The following GPC5 variants were observed in gnomAD, a reference collection of about 807,000 sequenced individuals.
The protein encoded by GPC5 is glypican 5.
Under a neutral mutation model 53.9 loss-of-function variants are expected in GPC5, and 47 were observed. The observed-to-expected ratio is 0.87, with a 90% confidence interval of 0.69 to 1.11. The LOEUF (loss-of-function observed/expected upper bound fraction) is 1.11, where lower values mean the gene tolerates loss of function less well. GPC5 is among the 50% of genes most tolerant of loss of function. The pLI, the probability that GPC5 is intolerant of heterozygous loss-of-function variation, is 0.00. For missense variants in GPC5, 748 were observed against 713.1 expected, an observed-to-expected ratio of 1.05 and a Z score of -0.56; for synonymous variants, 286 against 263.3, an observed-to-expected ratio of 1.09 and a Z score of -0.84.
chr13:92,118,304 A>G (rs1594770141), intron 6 of GPC5, among the ~76,000 whole-genome samples: 1 of 152,120 alleles, frequency 6.6e-6, no homozygotes, highest in Admixed American at 6.5e-5. Context: ...GGTATAAATC[A>G]CTTGTTTGTA....
At chr13:92,237,877 T>C (rs192377536) in intron 7 of GPC5, among the ~76,000 whole-genome samples, 1 of 152,258 alleles carries the variant, frequency 6.6e-6, no homozygotes, top group East Asian at 1.9e-4. Context: ...TCTTAATAGA[T>C]CTGCCTATTC....
chr13:91,466,116 A>G (rs1882222367), intron 2 of GPC5, among the ~76,000 whole-genome samples: 2 of 152,214 alleles, frequency 1.3e-5, no homozygotes, highest in Admixed American at 1.3e-4. Context: ...CCAGTCAAGG[A>G]GCAGATGTCC....
At chr13:91,974,265 C>T (rs1323722199) in intron 6 of GPC5, among the ~76,000 whole-genome samples, 5 of 152,080 alleles carry the variant, frequency 3.3e-5, no homozygotes, top group African/African-American at 9.7e-5. Context: ...GAAGTTCTGG[C>T]CAGGGCAATT....
intron 5 of GPC5, among the ~76,000 whole-genome samples, chr13:91,813,810 G>T (rs750841294): frequency 2.8e-4 from 43 of 151,486 alleles, no homozygotes; most frequent in Admixed American, 5.9e-4. Context: ...TTTTTTAAAG[G>T]CTTAGCTACT....
chr13:92,677,756 G>T (rs1317152620), intron 7 of GPC5, among the ~76,000 whole-genome samples: 1 of 148,674 alleles, frequency 6.7e-6, no homozygotes, highest in Admixed American at 6.7e-5. Context: ...ATGGGCTGAT[G>T]CCTGAAACCT....
At chr13:91,433,756 G>T (rs1044480148) in intron 1 of GPC5, among the ~76,000 whole-genome samples, 4 of 152,106 alleles carry the variant, frequency 2.6e-5, no homozygotes, top group African/African-American at 7.2e-5. Flanking sequence ...TCTAGTTCTA[G>T]ATCCCTGAGG....
rs1555308306 is a variant in GPC5, at chr13:92,740,960, G to GTA, written c.1562-125312_1562-125311dup. On this transcript the variant is annotated intron_variant, in intron 7 of 7. Coordinates refer to ENST00000377067, the MANE Select transcript of GPC5 (RefSeq NM_004466.6). Reference sequence around the variant, plus strand: ...TGTATGTGTGTATATATATGTATGTGTATATATATATCCTGCTGTAGCATA... The same window carrying GTA: ...TGTATGTGTGTATATATATGTATGTGTATATATATATATCCTGCTGTAGCATA... 0.03 allele frequency among the ~76,000 whole-genome samples: 3,488 copies of GTA among 117,736 alleles called. 499 individuals are homozygous for GTA. The East Asian group carries it at 0.33, about 11-fold the overall frequency. The allele number at this position is 117,736 out of a possible 152,430, so 77.2% of individuals were successfully genotyped here.
At chr13:92,507,680 G>T (rs1880421687) in intron 7 of GPC5, among the ~76,000 whole-genome samples, 1 of 152,152 alleles carries the variant, frequency 6.6e-6, no homozygotes, top group African/African-American at 2.4e-5. Flanking sequence ...ACTGAGAATT[G>T]AAAATGTTAT....
chr13:92,663,556 G>A (rs1886420935), intron 7 of GPC5, among the ~76,000 whole-genome samples: 1 of 142,680 alleles, frequency 7.0e-6, no homozygotes, highest in Admixed American at 7.3e-5. Flanking sequence ...GTCCAATATG[G>A]TGAAACCCTG....
intron 7 of GPC5, among the ~76,000 whole-genome samples, chr13:92,697,238 G>C (rs2139242946): frequency 6.6e-6 from 1 of 152,278 alleles, no homozygotes; most frequent in African/African-American, 2.4e-5. Context: ...TGTGAAGAAA[G>C]TCAATGGTAG....
intron 6 of GPC5, among the ~76,000 whole-genome samples, chr13:91,940,616 G>A (rs1004656151): frequency 6.6e-6 from 1 of 152,104 alleles, no homozygotes; most frequent in African/African-American, 2.4e-5. Context: ...CACTAGCAGT[G>A]TATAAGCATT....
At chr13:92,163,718 A>T (rs1354071323) in intron 7 of GPC5, among the ~76,000 whole-genome samples, 5 of 152,200 alleles carry the variant, frequency 3.3e-5, no homozygotes, top group Non-Finnish European at 7.3e-5. Context: ...GAGAATAGTA[A>T]AGACAGTACA....
intron 7 of GPC5, among the ~76,000 whole-genome samples, chr13:92,351,567 T>G (rs1402224930): frequency 1.3e-5 from 2 of 152,014 alleles, no homozygotes; most frequent in Non-Finnish European, 2.9e-5. Context: ...AAAGTTATTT[T>G]TCCATATGAT....
At chr13:92,167,240 A>G (rs1383190598) in intron 7 of GPC5, among the ~76,000 whole-genome samples, 1 of 152,222 alleles carries the variant, frequency 6.6e-6, no homozygotes, top group Non-Finnish European at 1.5e-5. Flanking sequence ...CCTGTAGGCT[A>G]TAGCAAGTTA....
chr13:92,513,749 A>G (rs779885853), intron 7 of GPC5, among the ~76,000 whole-genome samples: 12 of 152,110 alleles, frequency 7.9e-5, no homozygotes, highest in Admixed American at 3.9e-4. Flanking sequence ...TTCGGATCCA[A>G]GTCTAAACAC....
chr13:91,589,589 A>C (rs1287853609), intron 2 of GPC5, among the ~76,000 whole-genome samples: 2 of 152,156 alleles, frequency 1.3e-5, no homozygotes, highest in African/African-American at 4.8e-5. Context: ...CACAGAACTA[A>C]GAATTCCTTT....
intron 7 of GPC5, among the ~76,000 whole-genome samples, chr13:92,780,393 A>C (rs2765717): frequency 0.3 from 39,006 of 127,926 alleles, 9,274 homozygotes; most frequent in East Asian, 0.73. Flanking sequence ...ATTTATATTT[A>C]ACTTAATATA....
intron 7 of GPC5, among the ~76,000 whole-genome samples, chr13:92,291,079 C>T (rs909443260): frequency 6.6e-6 from 1 of 152,184 alleles, no homozygotes; most frequent in African/African-American, 2.4e-5. Context: ...AGCTGCCTTT[C>T]CGCTAGGCAG....
At chr13:91,938,170 T>C (rs1027906910) in intron 6 of GPC5, among the ~76,000 whole-genome samples, 2 of 151,984 alleles carry the variant, frequency 1.3e-5, no homozygotes, top group African/African-American at 4.8e-5. Flanking sequence ...AGGTTTATGG[T>C]CTCATGGTTC....
Sources: allele counts gnomAD v4.1 joint callset (sites outside exome capture counted in the v4.1 genomes callset), GRCh38; gene constraint gnomAD v4.1.1; transcripts MANE v1.5; gene names NCBI Gene and HGNC (gene_info 2026-07-23, HGNC 2026-07-21).